SLC8A1: variants seen among roughly 807,000 people sequenced by gnomAD.
The protein encoded by SLC8A1 is solute carrier family 8 member A1, also known as sodium/calcium exchanger 1.
A neutral mutation model predicts 68.3 loss-of-function variants in SLC8A1; 18 were observed. The ratio of observed to expected loss-of-function variants is 0.26; its 90% CI spans 0.18 to 0.39. SLC8A1 has a LOEUF of 0.39. Ranked by LOEUF, SLC8A1 falls within the 10% of genes least tolerant of loss-of-function variation. The probability of loss-of-function intolerance (pLI) is 1.00; values close to 1 mark genes in which losing one functional copy is unlikely to be tolerated. For synonymous variants in SLC8A1, 475 were observed against 415.5 expected, an observed-to-expected ratio of 1.14 and a Z score of -1.74; for missense variants, 985 against 1,156.7, an observed-to-expected ratio of 0.85 and a Z score of 2.15.
intron 2 of SLC8A1, among the ~76,000 whole-genome samples, chr2:40,404,025 T>C (rs186826793): frequency 6.6e-6 from 1 of 152,356 alleles, no homozygotes; most frequent in Non-Finnish European, 1.5e-5. Flanking sequence ...TAGAGAATAT[T>C]AACCTTAGAC....
At chr2:40,322,501 T>G (rs1461575648) in intron 2 of SLC8A1, among the ~76,000 whole-genome samples, 14 of 97,326 alleles carry the variant, frequency 1.4e-4, no homozygotes, top group South Asian at 1.1e-3. Flanking sequence ...TACAAAAGGT[T>G]AAAAAAAAAA....
chr2:40,214,781 T>C (rs540678554), intron 2 of SLC8A1, among the ~76,000 whole-genome samples: 1 of 152,160 alleles, frequency 6.6e-6, no homozygotes, highest in Non-Finnish European at 1.5e-5. Context: ...GGATCAGTAT[T>C]TTTTTGAGAA....
At chr2:40,143,668 T>A (rs908965542) in intron 6 of SLC8A1, among the ~76,000 whole-genome samples, 2 of 152,184 alleles carry the variant, frequency 1.3e-5, no homozygotes, top group Non-Finnish European at 1.5e-5. Flanking sequence ...AGTTCAGCTA[T>A]TGATGTAACA....
At chr2:40,193,355 G>T (rs2052267508) in intron 2 of SLC8A1, among the ~76,000 whole-genome samples, 1 of 152,062 alleles carries the variant, frequency 6.6e-6, no homozygotes, top group African/African-American at 2.4e-5. Context: ...CCCACATTAG[G>T]CATTGGGGAT....
At chr2:40,280,996 T>C (rs760565393) in intron 2 of SLC8A1, among the ~76,000 whole-genome samples, 2 of 152,230 alleles carry the variant, frequency 1.3e-5, no homozygotes, top group African/African-American at 2.4e-5. Context: ...TGGTGGACTG[T>C]AGCCTACTAG....
chr2:40,438,154 AC>A (rs1400342424), intron 1 of SLC8A1, among the ~76,000 whole-genome samples: 1 of 152,100 alleles, frequency 6.6e-6, no homozygotes, highest in African/African-American at 2.4e-5. Flanking sequence ...AGAGCCTTGG[AC>A]TCTGTACATC....
intron 2 of SLC8A1, among the ~76,000 whole-genome samples, chr2:40,311,072 G>A (rs1164938363): frequency 6.6e-6 from 1 of 151,900 alleles, no homozygotes; most frequent in Non-Finnish European, 1.5e-5. Context: ...TAAACACCTG[G>A]GGTTCCTTTA....
chr2:40,232,428 A>T (rs2148903310), intron 2 of SLC8A1, among the ~76,000 whole-genome samples: 1 of 145,922 alleles, frequency 6.9e-6, no homozygotes, highest in East Asian at 2.0e-4. Context: ...TTTTCAAGGG[A>T]TAGCAAGGTT....
rs572457988 is a variant in SLC8A1 at position 40,117,761 on chromosome 2, G to A, written c.2438-2132C>T. 5.5e-4 allele frequency among the ~76,000 whole-genome samples: 83 copies of A among 152,210 alleles called. 1 individual carries two copies. The highest frequency in any genetic ancestry group is 1.9e-3 in the African/African-American group (77 of 41,526). On this transcript the variant is annotated intron_variant, in intron 7 of 7. Transcript: ENST00000406785. ...GCTCTGAGCATGTATGTAGTTGTAC[G>A]ATACCTGTACTAGTCTCTCCCCTCT... is the stretch of plus-strand genomic sequence containing the variant.
chr2:40,407,545 C>T (rs1690750853), intron 2 of SLC8A1, among the ~76,000 whole-genome samples: 1 of 152,134 alleles, frequency 6.6e-6, no homozygotes, highest in Non-Finnish European at 1.5e-5. Flanking sequence ...TTTTAATCCT[C>T]CACCTCAGTG....
In SLC8A1 at chr2:40,360,972, C is replaced by T. The variant is rs1674437750; in HGVS notation, c.1808+67501G>A. On this transcript the variant is annotated intron_variant, in intron 2 of 7. Coordinates refer to ENST00000406785, the Ensembl canonical transcript of SLC8A1. ...ATGAGCACAAAAAGAGCCTGTAGAT[C>T]TCGTGTGGATCTCATTCCATGAAAA... 3.9e-5 allele frequency among the ~76,000 whole-genome samples: 6 copies of T among 152,080 alleles called. No homozygotes were observed. In the South Asian group the frequency reaches 1.2e-3, roughly 32 times the overall value.
At chr2:40,273,238 G>A (rs112679410) in intron 2 of SLC8A1, among the ~76,000 whole-genome samples, 1 of 151,622 alleles carries the variant, frequency 6.6e-6, no homozygotes, top group Non-Finnish European at 1.5e-5. Context: ...ACCATGCCTG[G>A]CCCTCCAAAT....
chr2:40,422,397 G>T lies in SLC8A1; in HGVS notation c.1808+6076C>A, dbSNP rs116428758. Among the ~76,000 whole-genome samples, 1,120 of 152,218 alleles carry T rather than the reference G, an allele frequency of 7.4e-3. 13 individuals are homozygous for T. The highest frequency in any genetic ancestry group is 0.026 in the African/African-American group (1,060 of 41,536). On this transcript the variant is annotated intron_variant, in intron 2 of 7. Transcript: ENST00000406785. ...AGGCAATTTTCCACATCTCAGCTTT[G>T]TTAGCTGACAGAGAAGCAAAATAAC...
intron 7 of SLC8A1, among the ~76,000 whole-genome samples, chr2:40,119,168 A>G (rs941505559): frequency 6.6e-6 from 1 of 152,102 alleles, no homozygotes; most frequent in Non-Finnish European, 1.5e-5. Flanking sequence ...ATAGGTTCCT[A>G]TTTTCAAATG....
chr2:40,175,981 A>C (rs1428027801), intron 3 of SLC8A1: 1 of 450,282 alleles, frequency 2.2e-6, no homozygotes, highest in Non-Finnish European at 4.5e-6. Context: ...GATAACCAGA[A>C]TCCTTCTAGT....
chr2:40,238,610 C>T (rs2060772651), intron 2 of SLC8A1, among the ~76,000 whole-genome samples: 2 of 152,184 alleles, frequency 1.3e-5, no homozygotes, highest in African/African-American at 4.8e-5. Flanking sequence ...TGTTCCTATT[C>T]GGCCATCTTG....
At chr2:40,300,312 C>G (rs1053358418) in intron 2 of SLC8A1, among the ~76,000 whole-genome samples, 3 of 152,148 alleles carry the variant, frequency 2.0e-5, no homozygotes, top group African/African-American at 4.8e-5. Context: ...TCACACCCAT[C>G]TGACAGATGA....
At chr2:40,475,799 A>G (rs1704267181) in intron 1 of SLC8A1, among the ~76,000 whole-genome samples, 1 of 151,928 alleles carries the variant, frequency 6.6e-6, no homozygotes, top group Admixed American at 6.6e-5. Flanking sequence ...ACTGGCTAGG[A>G]AAAAAAATGA....
chr2:40,206,295 A>C (rs2055432455), intron 2 of SLC8A1, among the ~76,000 whole-genome samples: 1 of 152,078 alleles, frequency 6.6e-6, no homozygotes, highest in Admixed American at 6.6e-5. Context: ...AACTTCTAGA[A>C]TCAAAAGATG....
Sources: allele counts gnomAD v4.1 joint callset (sites outside exome capture counted in the v4.1 genomes callset), GRCh38; gene constraint gnomAD v4.1.1; transcripts MANE v1.5; gene names NCBI Gene and HGNC (gene_info 2026-07-23, HGNC 2026-07-21).